The following CNTN4 variants were observed in gnomAD, a reference collection of about 807,000 sequenced individuals.
The protein encoded by CNTN4 is contactin 4.
Under a neutral mutation model 122.5 loss-of-function variants are expected in CNTN4, and 77 were observed. The observed-to-expected ratio is 0.63, with a 90% CI of 0.52 to 0.76. The LOEUF (loss-of-function observed/expected upper bound fraction) is 0.76, where lower values mean the gene tolerates loss of function less well. Ranked by LOEUF, CNTN4 falls within the 30% of genes least tolerant of loss-of-function variation. CNTN4 has a pLI of 0.00. For synonymous variants in CNTN4, 512 were observed against 447.0 expected (o/e 1.15, Z -1.83); for missense variants, 1,256 against 1,259.1 (o/e 1.00, Z 0.04).
At chr3:2,600,325 T>G (rs144579553) in intron 4 of CNTN4, among the ~76,000 whole-genome samples, 1 of 152,054 alleles carries the variant, frequency 6.6e-6, no homozygotes, top group Admixed American at 6.6e-5. Flanking sequence ...TTACATTAGG[T>G]ATGTCTCCTA....
At chr3:2,469,434 G>A (rs980124436) in intron 3 of CNTN4, among the ~76,000 whole-genome samples, 2 of 152,168 alleles carry the variant, frequency 1.3e-5, no homozygotes, top group African/African-American at 4.8e-5. Context: ...AGCTGAACAT[G>A]ATGCCTTATT....
intron 14 of CNTN4, among the ~76,000 whole-genome samples, chr3:3,009,157 T>A (rs1696933637): frequency 6.6e-6 from 1 of 152,166 alleles, no homozygotes; most frequent in African/African-American, 2.4e-5. Context: ...AAGAGTTGAC[T>A]AGGATTGATT....
rs527500462 is a variant in CNTN4 at position 2,417,342 on chromosome 3, G to C, written c.-89+78109G>C. 3.9e-5 allele frequency among the ~76,000 whole-genome samples: 6 copies of C among 152,244 alleles called. No homozygotes were observed. The South Asian group carries it at 1.2e-3, about 32-fold the overall frequency. On this transcript the variant is annotated intron_variant, in intron 3 of 24. Transcript: ENST00000418658. ...ATTCTTTCTAATGTATTGAGAACAA[G>C]ACAGGAACATTGATTACCTATTTTT...
At chr3:2,860,699 T>TC (rs2093662344) in intron 7 of CNTN4, among the ~76,000 whole-genome samples, 1 of 152,178 alleles carries the variant, frequency 6.6e-6, no homozygotes, top group African/African-American at 2.4e-5. Flanking sequence ...GGATGACAGC[T>TC]CACATATGAC....
chr3:2,982,708 A>C (rs1374527792), intron 13 of CNTN4, among the ~76,000 whole-genome samples: 1 of 152,186 alleles, frequency 6.6e-6, no homozygotes, highest in East Asian at 1.9e-4. Flanking sequence ...CTGACTGGCC[A>C]GGTCTGGGTC....
At chr3:2,550,367 C>T (rs2078443286) in intron 3 of CNTN4, among the ~76,000 whole-genome samples, 1 of 152,130 alleles carries the variant, frequency 6.6e-6, no homozygotes, top group Non-Finnish European at 1.5e-5. Flanking sequence ...CATCACTGGT[C>T]ATTAGAGAAA....
chr3:2,610,527 A>G (rs1291890117), intron 4 of CNTN4, among the ~76,000 whole-genome samples: 1 of 152,172 alleles, frequency 6.6e-6, no homozygotes, highest in East Asian at 1.9e-4. Flanking sequence ...GTCGCATTTC[A>G]GCCTGTGTAG....
intron 4 of CNTN4, among the ~76,000 whole-genome samples, chr3:2,688,275 A>G (rs1213758139): frequency 1.3e-5 from 2 of 152,060 alleles, no homozygotes; most frequent in Non-Finnish European, 2.9e-5. Context: ...GACCACATTG[A>G]GTTTTTTCCC....
rs540151056 is a variant in CNTN4 at position 2,157,938 on chromosome 3, C to G, written c.-145+57299C>G. On this transcript the variant is annotated intron_variant, in intron 2 of 24. Coordinates refer to ENST00000418658, the MANE Select transcript of CNTN4 (RefSeq NM_175607.3). ...AATCATTCTCAGAAATCTATCAAAACCAATTAAAGGAACCCCAAATTAGGA... is the reference window on the plus strand; with the variant it reads ...AATCATTCTCAGAAATCTATCAAAAGCAATTAAAGGAACCCCAAATTAGGA... 9.9e-5 allele frequency among the ~76,000 whole-genome samples: 15 copies of G among 152,240 alleles called. No individual in the cohort carries two copies. In the East Asian group the frequency reaches 2.7e-3, roughly 27 times the overall value.
At chr3:2,684,986 A>G (rs1453006460) in intron 4 of CNTN4, among the ~76,000 whole-genome samples, 1 of 152,230 alleles carries the variant, frequency 6.6e-6, no homozygotes, top group Non-Finnish European at 1.5e-5. Context: ...TGTGAAACGT[A>G]AAGATTACAT....
intron 3 of CNTN4, among the ~76,000 whole-genome samples, chr3:2,412,789 A>G (rs1040808249): frequency 2.0e-5 from 3 of 152,204 alleles, no homozygotes; most frequent in African/African-American, 7.2e-5. Context: ...GTTAGGATAG[A>G]AAGCTGTAGA....
At chr3:2,118,724 AAAAG>A (rs1265238678) in intron 2 of CNTN4, among the ~76,000 whole-genome samples, 16 of 152,236 alleles carry the variant, frequency 1.1e-4, no homozygotes, top group Admixed American at 6.5e-5. Flanking sequence ...AATTTAAACA[AAAAG>A]AAAAGAATGA....
chr3:2,145,180 C>T (rs1366071124), intron 2 of CNTN4, among the ~76,000 whole-genome samples: 3 of 152,052 alleles, frequency 2.0e-5, no homozygotes, highest in Non-Finnish European at 4.4e-5. Context: ...AGTTTGTGAC[C>T]CACAACTAAA....
At chr3:2,122,167 A>T (rs953548641) in intron 2 of CNTN4, among the ~76,000 whole-genome samples, 1 of 151,854 alleles carries the variant, frequency 6.6e-6, no homozygotes, top group Admixed American at 6.6e-5. Flanking sequence ...AAAAAAAAAA[A>T]AATTATTTTT....
intron 2 of CNTN4, among the ~76,000 whole-genome samples, chr3:2,120,388 T>TAA (rs1559260851): frequency 1.1e-4 from 3 of 28,092 alleles, no homozygotes; most frequent in Middle Eastern, 0.017. Flanking sequence ...TATATATATA[T>TAA]ATATATATAT....
intron 3 of CNTN4, among the ~76,000 whole-genome samples, chr3:2,531,390 C>T (rs2077589169): frequency 1.3e-5 from 2 of 152,098 alleles, no homozygotes; most frequent in African/African-American, 4.8e-5. Flanking sequence ...GCAGTCTAGT[C>T]AAAGAGAAGT....
At chr3:2,813,186 C>T (rs148578458) in intron 6 of CNTN4, among the ~76,000 whole-genome samples, 22 of 152,106 alleles carry the variant, frequency 1.4e-4, no homozygotes, top group African/African-American at 5.3e-4. Flanking sequence ...AGTTACTCTC[C>T]AAAAATACTT....
At chr3:2,409,440 G>A (rs2047155200) in intron 3 of CNTN4, among the ~76,000 whole-genome samples, 1 of 151,792 alleles carries the variant, frequency 6.6e-6, no homozygotes, top group Admixed American at 6.6e-5. Flanking sequence ...GTAGAGAGAA[G>A]GTTTCACTGT....
intron 14 of CNTN4, chr3:2,988,831 G>A: frequency 7.3e-6 from 2 of 273,900 alleles, no homozygotes; most frequent in South Asian, 8.3e-5. Flanking sequence ...AAAAACTCAA[G>A]ACTCATGTAC....
Sources: allele counts gnomAD v4.1 joint callset (sites outside exome capture counted in the v4.1 genomes callset), GRCh38; gene constraint gnomAD v4.1.1; transcripts MANE v1.5; gene names NCBI Gene and HGNC (gene_info 2026-07-23, HGNC 2026-07-21).